RUNX2: variants seen among roughly 807,000 people sequenced by gnomAD.
RUNX2 encodes the protein RUNX family transcription factor 2.
Under a neutral mutation model 51.7 loss-of-function variants are expected in RUNX2, and 10 were observed. The observed-to-expected ratio is 0.19, with a 90% confidence interval of 0.12 to 0.33. The LOEUF is 0.33. Among genes scored for constraint, RUNX2 ranks in the 10% least tolerant of loss-of-function variants. RUNX2 has a pLI of 1.00. For synonymous variants in RUNX2, 276 were observed against 273.6 expected, an observed-to-expected ratio of 1.01 and a Z score of -0.09; for missense variants, 562 against 691.3, an observed-to-expected ratio of 0.81 and a Z score of 2.10.
rs116564434 is a variant in RUNX2, at chr6:45,516,627, G to A, written c.1021+4220G>A. Among the ~76,000 whole-genome samples the A allele has an allele frequency of 5.6e-3, 860 of 152,292 alleles. 6 individuals carry two copies. The highest frequency in any genetic ancestry group is 0.02 in the African/African-American group (813 of 41,556). ...TCTAAAAGATTATTCAGTACACAGAGGTGGCCAAAGTTATTTCTCATTGAT... is the reference window on the plus strand; with the variant it reads ...TCTAAAAGATTATTCAGTACACAGAAGTGGCCAAAGTTATTTCTCATTGAT... On this transcript the variant is annotated intron_variant, in intron 7 of 8. Transcript: ENST00000647337.
chr6:45,342,455 T>G (rs1199221316), intron 2 of RUNX2, among the ~76,000 whole-genome samples: 1 of 152,032 alleles, frequency 6.6e-6, no homozygotes, highest in African/African-American at 2.4e-5. Context: ...GAGATGGAGT[T>G]TCAACATGTT....
intron 7 of RUNX2, among the ~76,000 whole-genome samples, chr6:45,514,945 T>C (rs912485252): frequency 6.6e-6 from 1 of 152,016 alleles, no homozygotes; most frequent in African/African-American, 2.4e-5. Flanking sequence ...GGGTTTTTTT[T>C]TTTTTTGTTT....
chr6:45,512,419 GC>G lies in RUNX2; in HGVS notation c.1021+13del. 1.2e-6 allele frequency: 2 copies of G among 1,613,622 alleles called. No homozygotes were observed. The highest frequency in any genetic ancestry group is 2.2e-5 in the South Asian group (2 of 91,078). On this transcript the variant is annotated intron_variant, in intron 7 of 8. Coordinates refer to ENST00000647337, the MANE Select transcript of RUNX2 (RefSeq NM_001024630.4). The stretch of plus-strand genomic sequence containing the variant: ...TAGGCGCATTTCAGGTAAAGACCGT[GC>G]TTTAACTAAAAATCCATCCCTGCAC...
At chr6:45,537,627 C>A (rs566509471) in intron 7 of RUNX2, among the ~76,000 whole-genome samples, 1 of 152,306 alleles carries the variant, frequency 6.6e-6, no homozygotes, top group African/African-American at 2.4e-5. Context: ...TTTTTGCTAA[C>A]ACCATGGGAT....
intron 5 of RUNX2, among the ~76,000 whole-genome samples, chr6:45,453,641 A>C (rs1346400578): frequency 6.6e-6 from 1 of 152,212 alleles, no homozygotes; most frequent in Non-Finnish European, 1.5e-5. Flanking sequence ...TGGCCATGAT[A>C]ATGCCTAAAG....
intron 7 of RUNX2, among the ~76,000 whole-genome samples, chr6:45,522,435 TA>T (rs1437433322): frequency 2.7e-5 from 4 of 149,738 alleles, no homozygotes. Flanking sequence ...ATTAGGAAAT[TA>T]AAAAAAAACA....
At chr6:45,385,680 G>A (rs1582057282) in intron 2 of RUNX2, among the ~76,000 whole-genome samples, 1 of 152,074 alleles carries the variant, frequency 6.6e-6, no homozygotes, top group South Asian at 2.1e-4. Flanking sequence ...TGGGTGGATC[G>A]CTTGAGGTCA....
At chr6:45,361,222 A>G (rs896079232) in intron 2 of RUNX2, among the ~76,000 whole-genome samples, 1 of 152,160 alleles carries the variant, frequency 6.6e-6, no homozygotes, top group African/African-American at 2.4e-5. Flanking sequence ...TGGATGTTAG[A>G]TAAGGATGAA....
intron 2 of RUNX2, among the ~76,000 whole-genome samples, chr6:45,382,088 T>C (rs1797251648): frequency 6.6e-6 from 1 of 152,166 alleles, no homozygotes; most frequent in African/African-American, 2.4e-5. Context: ...CAAAGAGCCT[T>C]TGAGCTCTTC....
intron 3 of RUNX2, among the ~76,000 whole-genome samples, chr6:45,427,332 A>T (rs1449312117): frequency 5.3e-5 from 8 of 152,108 alleles, no homozygotes; most frequent in Non-Finnish European, 1.0e-4. Flanking sequence ...AACCACCATG[A>T]TACATGGCCC....
chr6:45,452,411 C>A (rs1189383314), intron 5 of RUNX2, among the ~76,000 whole-genome samples: 2 of 152,210 alleles, frequency 1.3e-5, no homozygotes, highest in African/African-American at 4.8e-5. Context: ...CTGAACACAC[C>A]ATTCCTTTCA....
chr6:45,524,301 C>T (rs1413617490), intron 7 of RUNX2, among the ~76,000 whole-genome samples: 1 of 152,158 alleles, frequency 6.6e-6, no homozygotes, highest in Non-Finnish European at 1.5e-5. Context: ...GCACAGGCAA[C>T]ATTGTTCCTA....
intron 2 of RUNX2, among the ~76,000 whole-genome samples, chr6:45,415,551 G>A (rs1798051088): frequency 6.6e-6 from 1 of 152,172 alleles, no homozygotes; most frequent in African/African-American, 2.4e-5. Flanking sequence ...GAAACTTCTG[G>A]CTACCGGTGC....
At chr6:45,485,903 C>T (rs1183355789) in intron 5 of RUNX2, among the ~76,000 whole-genome samples, 1 of 151,648 alleles carries the variant, frequency 6.6e-6, no homozygotes, top group Non-Finnish European at 1.5e-5. Context: ...TGCTCCCCTG[C>T]ACTTCCTATA....
chr6:45,455,551 A>C (rs1193638749), intron 5 of RUNX2, among the ~76,000 whole-genome samples: 2 of 152,150 alleles, frequency 1.3e-5, no homozygotes, highest in Non-Finnish European at 2.9e-5. Context: ...TAACTTTGAG[A>C]GTCTAACTTG....
At chr6:45,442,166 T>G (rs552700755) in intron 5 of RUNX2, among the ~76,000 whole-genome samples, 4 of 152,364 alleles carry the variant, frequency 2.6e-5, no homozygotes, top group African/African-American at 9.6e-5. Flanking sequence ...TATTAGAACC[T>G]TCATCTTAAG....
At chr6:45,456,601 G>A (rs1189432215) in intron 5 of RUNX2, among the ~76,000 whole-genome samples, 2 of 151,968 alleles carry the variant, frequency 1.3e-5, no homozygotes, top group Middle Eastern at 6.3e-3. Flanking sequence ...ATGCTATGTT[G>A]GGCACTCTAA....
intron 5 of RUNX2, among the ~76,000 whole-genome samples, chr6:45,470,093 T>A (rs80354510): frequency 0.012 from 1,900 of 152,330 alleles, 39 homozygotes; most frequent in African/African-American, 0.043. Context: ...AATGTGTAGT[T>A]TTCATGGTTG....
At chr6:45,357,516 C>A (rs1380219608) in intron 2 of RUNX2, among the ~76,000 whole-genome samples, 1 of 151,832 alleles carries the variant, frequency 6.6e-6, no homozygotes, top group African/African-American at 2.4e-5. Context: ...GTAGAGACAG[C>A]GTCTCAAGTA....
Sources: allele counts gnomAD v4.1 joint callset (sites outside exome capture counted in the v4.1 genomes callset), GRCh38; gene constraint gnomAD v4.1.1; transcripts MANE v1.5; gene names NCBI Gene and HGNC (gene_info 2026-07-23, HGNC 2026-07-21).